Variants in PCDH15 observed in about 807,000 individuals in gnomAD.
PCDH15 encodes protocadherin-15.
Under a neutral mutation model 178.5 loss-of-function variants are expected in PCDH15, and 129 were observed. The observed-to-expected ratio is 0.72, with a 90% confidence interval of 0.63 to 0.84. PCDH15 has a LOEUF of 0.84. Among genes scored for constraint, PCDH15 ranks in the 40% least tolerant of loss-of-function variants. PCDH15 has a pLI of 0.00. For synonymous variants in PCDH15, 800 were observed against 732.0 expected (o/e 1.09, Z -1.50); for missense variants, 2,230 against 2,099.9 (o/e 1.06, Z -1.21).
intron 2 of PCDH15, among the ~76,000 whole-genome samples, chr10:55,443,468 C>A (rs962841998): frequency 6.6e-6 from 1 of 152,040 alleles, no homozygotes; most frequent in African/African-American, 2.4e-5. Flanking sequence ...AAAAAGTGGG[C>A]AAAGGTTATG....
chr10:54,185,388 C>T (rs1222703545), intron 11 of PCDH15, 120 bp from the exon 12 acceptor site: 1 of 1,132,846 alleles, frequency 8.8e-7, no homozygotes, highest in African/African-American at 1.6e-5. Context: ...TTAAGAATTT[C>T]TAACGATAAA....
chr10:53,869,749 C>T (rs1462369223), intron 26 of PCDH15, among the ~76,000 whole-genome samples: 1 of 151,868 alleles, frequency 6.6e-6, no homozygotes, highest in East Asian at 1.9e-4. Context: ...TGAAACCAGC[C>T]TGCACAATAT....
chr10:55,308,085 A>T (rs2132285571), intron 1 of PCDH15, among the ~76,000 whole-genome samples: 1 of 152,326 alleles, frequency 6.6e-6, no homozygotes, highest in South Asian at 2.1e-4. Flanking sequence ...ATCACAATAA[A>T]TATTATAGAA....
intron 22 of PCDH15, among the ~76,000 whole-genome samples, 163 bp from the exon 23 acceptor site, chr10:53,960,007 A>C (rs530670597): frequency 6.6e-6 from 1 of 152,224 alleles, no homozygotes; most frequent in Admixed American, 6.5e-5. Flanking sequence ...ATGCTAGAAA[A>C]TACTACGTTC....
chr10:54,855,635 A>G (rs1219731798), intron 3 of PCDH15, among the ~76,000 whole-genome samples: 1 of 152,228 alleles, frequency 6.6e-6, no homozygotes, highest in Non-Finnish European at 1.5e-5. Flanking sequence ...TTATATTGCA[A>G]ATCATTAGTC....
chr10:54,504,273 T>C (rs535239584), intron 3 of PCDH15, among the ~76,000 whole-genome samples: 2 of 152,280 alleles, frequency 1.3e-5, no homozygotes, highest in Admixed American at 6.5e-5. Flanking sequence ...AACACCCTGC[T>C]ATTTTACAAC....
At chr10:54,182,622 A>T (rs532911027) in intron 13 of PCDH15, among the ~76,000 whole-genome samples, 2 of 152,172 alleles carry the variant, frequency 1.3e-5, no homozygotes, top group South Asian at 4.1e-4. Context: ...CCTGACTTAC[A>T]TGTTTTCAAA....
intron 1 of PCDH15, among the ~76,000 whole-genome samples, chr10:55,251,244 G>T (rs541726940): frequency 3.6e-4 from 54 of 151,942 alleles, no homozygotes; most frequent in African/African-American, 1.3e-3. Context: ...TATCATATAT[G>T]TAGATACATG....
At chr10:54,082,365 A>C (rs1027918142) in intron 16 of PCDH15, among the ~76,000 whole-genome samples, 6 of 152,174 alleles carry the variant, frequency 3.9e-5, no homozygotes, top group African/African-American at 1.2e-4. Context: ...AGTTTCATGG[A>C]AAATTCAGGC....
chr10:53,880,874 T>C (rs1027511591), intron 26 of PCDH15, among the ~76,000 whole-genome samples: 19 of 152,136 alleles, frequency 1.2e-4, no homozygotes, highest in Non-Finnish European at 2.4e-4. Context: ...TATATAATTG[T>C]AACATGTTAA....
At chr10:55,448,381 T>TA (rs1408389323) in intron 2 of PCDH15, among the ~76,000 whole-genome samples, 1 of 152,018 alleles carries the variant, frequency 6.6e-6, no homozygotes, top group Non-Finnish European at 1.5e-5. Flanking sequence ...ATTTTCAAAG[T>TA]ACAATTCTTT....
Position 53,995,641 on chromosome 10 carries a change from C to G in PCDH15, c.2868+8G>C, listed in dbSNP as rs1283676141. The G allele has an allele frequency of 9.3e-6, 15 of 1,613,814 alleles. No homozygotes were observed. Among genetic ancestry groups the G allele is most frequent in the African/African-American group, 1.3e-5 (1 of 75,030 alleles). On this transcript the variant is annotated splice_region_variant and intron_variant, in intron 21 of 37. Coordinates refer to ENST00000644397, the MANE Select transcript of PCDH15 (RefSeq NM_001384140.1). ...AGTTCAGAATATTAATCAATGCCTT[C>G]TACTTACAGGAGGGTCTGCATCTTC... is the stretch of plus-strand genomic sequence containing the variant.
chr10:55,224,508 C>A (rs1263530260), intron 1 of PCDH15, among the ~76,000 whole-genome samples: 1 of 152,044 alleles, frequency 6.6e-6, no homozygotes, highest in Non-Finnish European at 1.5e-5. Flanking sequence ...TTACATGAAG[C>A]AGAGATCAGT....
At chr10:55,241,769 A>G (rs1454531622) in intron 1 of PCDH15, among the ~76,000 whole-genome samples, 1 of 152,016 alleles carries the variant, frequency 6.6e-6, no homozygotes, top group Non-Finnish European at 1.5e-5. Flanking sequence ...TCCTTCTATA[A>G]TTGCCTCCTT....
chr10:54,641,752 T>C (rs2093994804), intron 2 of PCDH15, among the ~76,000 whole-genome samples: 1 of 152,186 alleles, frequency 6.6e-6, no homozygotes, highest in Non-Finnish European at 1.5e-5. Context: ...ACCTCTGATG[T>C]TAGTTTTCTT....
At chr10:54,394,451 A>G (rs1481245719) in intron 3 of PCDH15, among the ~76,000 whole-genome samples, 4 of 152,124 alleles carry the variant, frequency 2.6e-5, no homozygotes, top group Non-Finnish European at 4.4e-5. Context: ...CACAAGCCAC[A>G]AAAACCAGCA....
At chr10:54,237,599 A>G (rs1051975422) in intron 8 of PCDH15, among the ~76,000 whole-genome samples, 2 of 152,190 alleles carry the variant, frequency 1.3e-5, no homozygotes, top group South Asian at 4.1e-4. Flanking sequence ...AAAGAACCAG[A>G]TAATAACTAT....
At chr10:55,081,417 C>G (rs1436716189) in intron 2 of PCDH15, among the ~76,000 whole-genome samples, 1 of 152,118 alleles carries the variant, frequency 6.6e-6, no homozygotes, top group African/African-American at 2.4e-5. Context: ...TCCAAGTGCC[C>G]TACTTCCTAT....
At chr10:55,193,990 T>C (rs913942253) in intron 1 of PCDH15, among the ~76,000 whole-genome samples, 3 of 152,060 alleles carry the variant, frequency 2.0e-5, no homozygotes, top group Admixed American at 2.0e-4. Flanking sequence ...TTGCTGCATG[T>C]ATGCTTCCAG....
Sources: gnomAD v4.1 joint callset for allele counts (sites outside exome capture counted in the v4.1 genomes callset) on GRCh38, gnomAD v4.1.1 for gene constraint, MANE v1.5 for transcripts, NCBI Gene and HGNC (gene_info 2026-07-23, HGNC 2026-07-21) for gene names.